The following SFSWAP variants were observed in gnomAD, a reference collection of about 807,000 sequenced individuals.
SFSWAP encodes splicing factor, suppressor of white-apricot homolog.
A neutral mutation model predicts 100.7 loss-of-function variants in SFSWAP; 17 were observed. The ratio of observed to expected loss-of-function variants is 0.17; its 90% CI spans 0.12 to 0.25. The LOEUF (loss-of-function observed/expected upper bound fraction) is 0.25. Ranked by LOEUF, SFSWAP falls within the 10% of genes least tolerant of loss-of-function variation. SFSWAP has a pLI of 1.00. For synonymous variants in SFSWAP, 504 were observed against 510.1 expected, an observed-to-expected ratio of 0.99 and a Z score of 0.16; for missense variants, 1,005 against 1,262.6, an observed-to-expected ratio of 0.80 and a Z score of 3.09.
At chr12:131,749,515 A>T (rs1881426546) in intron 7 of SFSWAP, among the ~76,000 whole-genome samples, 1 of 152,242 alleles carries the variant, frequency 6.6e-6, no homozygotes, top group Non-Finnish European at 1.5e-5. Context: ...TGTACAACAT[A>T]CAAGGGGCTG....
intron 14 of SFSWAP, among the ~76,000 whole-genome samples, chr12:131,779,953 A>T (rs557551889): frequency 7.0e-4 from 106 of 152,076 alleles, no homozygotes; most frequent in Non-Finnish European, 1.1e-3. Flanking sequence ...CGCCCAGCTA[A>T]TTTTGTTTTT....
Position 131,711,517 on chromosome 12 carries a change from G to A in SFSWAP, c.218+70G>A. ...GCTTGATCTCGTCTGATGTTGACTT[G>A]ACTGCAAGGACTGCAGAGAGTTTTC... is the stretch of plus-strand genomic sequence containing the variant. On this transcript the variant is annotated intron_variant, in intron 1 of 17. Coordinates refer to ENST00000261674, the MANE Select transcript of SFSWAP (RefSeq NM_004592.4). The surrounding 1 kb of genome is among the most constrained non-coding windows in gnomAD (Gnocchi z 4.9). 7.9e-7 allele frequency: 1 copy of A among 1,273,168 alleles called. No individual in the cohort carries two copies. The highest frequency in any genetic ancestry group is 1.1e-6 in the Non-Finnish European group (1 of 890,618). 78.9% of individuals were successfully genotyped at this position (1,273,168 alleles called of 1,614,324 possible).
intron 6 of SFSWAP, among the ~76,000 whole-genome samples, chr12:131,727,820 T>C (rs950810639): frequency 6.6e-6 from 1 of 152,226 alleles, no homozygotes; most frequent in Non-Finnish European, 1.5e-5. Flanking sequence ...TTGTGGTTAA[T>C]TCACACCACT....
chr12:131,735,544 C>T (rs945650472), intron 7 of SFSWAP, among the ~76,000 whole-genome samples: 5 of 152,164 alleles, frequency 3.3e-5, no homozygotes, highest in Admixed American at 6.5e-5. Context: ...TCGAAGGTCT[C>T]GAGCCTCATA....
chr12:131,777,190 G>A (rs1003748303), intron 13 of SFSWAP, among the ~76,000 whole-genome samples: 3 of 152,042 alleles, frequency 2.0e-5, no homozygotes, highest in South Asian at 2.1e-4. Flanking sequence ...TGTGCACAAC[G>A]TGCAGGTTAG....
intron 7 of SFSWAP, among the ~76,000 whole-genome samples, chr12:131,751,700 G>A (rs1268153208): frequency 6.6e-6 from 1 of 152,204 alleles, no homozygotes. Context: ...AGGTCAGTTC[G>A]TTGGTCCAGC....
intron 7 of SFSWAP, among the ~76,000 whole-genome samples, chr12:131,741,312 G>A (rs1212312860): frequency 1.3e-5 from 2 of 151,930 alleles, no homozygotes; most frequent in South Asian, 2.1e-4. Context: ...ATATTATTTT[G>A]TTTGTTTGTA....
chr12:131,777,827 TG>T (rs1884149652), intron 13 of SFSWAP, among the ~76,000 whole-genome samples: 2 of 152,238 alleles, frequency 1.3e-5, no homozygotes, highest in African/African-American at 2.4e-5. Context: ...GTCCACAGCC[TG>T]GGGGCTGGGA....
chr12:131,727,601 CA>C (rs1879104908), intron 6 of SFSWAP, among the ~76,000 whole-genome samples: 1 of 152,130 alleles, frequency 6.6e-6, no homozygotes, highest in African/African-American at 2.4e-5. Context: ...GCCAAGATCA[CA>C]CTACTGCACG....
chr12:131,728,583 C>T (rs1448008554), intron 7 of SFSWAP, among the ~76,000 whole-genome samples, 155 bp downstream of exon 7: 2 of 152,196 alleles, frequency 1.3e-5, no homozygotes, highest in African/African-American at 2.4e-5. Context: ...GAGAGTGCCA[C>T]GAGGCTGCCC....
chr12:131,729,979 C>A (rs1048987742), intron 7 of SFSWAP, among the ~76,000 whole-genome samples: 1 of 152,158 alleles, frequency 6.6e-6, no homozygotes, highest in African/African-American at 2.4e-5. Context: ...TGTGTCCCCC[C>A]AAAAACCTTT....
At chr12:131,788,946 G>A (rs1449320272) in intron 15 of SFSWAP, among the ~76,000 whole-genome samples, 1 of 151,936 alleles carries the variant, frequency 6.6e-6, no homozygotes, top group Non-Finnish European at 1.5e-5. Context: ...CCAGGGAAAT[G>A]CCCACTACCG....
chr12:131,763,479 T>C (rs1188348409), intron 11 of SFSWAP, among the ~76,000 whole-genome samples: 1 of 152,224 alleles, frequency 6.6e-6, no homozygotes, highest in Non-Finnish European at 1.5e-5. Flanking sequence ...GGACTCTGTG[T>C]TCATTGAGTG....
chr12:131,720,938 G>A (rs549732592), intron 4 of SFSWAP, among the ~76,000 whole-genome samples: 15 of 152,290 alleles, frequency 9.8e-5, no homozygotes, highest in African/African-American at 3.1e-4. Flanking sequence ...ATAAAGAAGA[G>A]GTTTAATTGG....
At chr12:131,780,718 C>A (rs1310736344) in intron 14 of SFSWAP, among the ~76,000 whole-genome samples, 1 of 152,140 alleles carries the variant, frequency 6.6e-6, no homozygotes, top group Admixed American at 6.5e-5. Context: ...ATGTTTCTTA[C>A]GACATTACAT....
Position 131,778,919 on chromosome 12 carries a change from TTGTG to T in SFSWAP, c.2408+592_2408+595del, listed in dbSNP as rs1205772049. On this transcript the variant is annotated intron_variant, in intron 14 of 17. Transcript: ENST00000261674. The surrounding 1 kb of genome is among the most constrained non-coding windows in gnomAD (Gnocchi z 4.2). ...GAAGCAAGCCTACCACATTTGCCGA[TTGTG>T]TGAAAGATTCACAGGGTGGTGTGCT... 1.3e-5 allele frequency among the ~76,000 whole-genome samples: 2 copies of T among 151,950 alleles called. No individual in the cohort carries two copies. The highest frequency in any genetic ancestry group is 2.9e-5 in the Non-Finnish European group (2 of 67,952).
rs772851444 is a variant in SFSWAP at position 131,797,292 on chromosome 12, G to A, written c.2649G>A (p.Ala883=). Residue 883 remains alanine (A), a synonymous_variant, in exon 16 of 18, where the codon GCG becomes GCA. Transcript: ENST00000261674. ...KQAAPRPAAP[A]AHSAHSASVS... is the part of the protein sequence containing the mutation. ...CAGCGCCCCGGCCCGCGGCCCCCGC[G>A]GCCCACTCGGCGCACTCAGCCAGCG... is the stretch of plus-strand genomic sequence containing the variant. 1.7e-5 allele frequency: 28 copies of A among 1,611,486 alleles called. No homozygotes were observed. Among genetic ancestry groups the A allele is most frequent in the South Asian group, 3.3e-5 (3 of 90,958 alleles).
rs1048403016 is a variant in SFSWAP at position 131,794,587 on chromosome 12, G to T, written c.2535-2591G>T. On this transcript the variant is annotated intron_variant, in intron 15 of 17. Transcript: ENST00000261674. The surrounding 1 kb of genome is among the most constrained non-coding windows in gnomAD (Gnocchi z 4.8). ...ACCAACAAACAAACACAGACATAGC[G>T]TGGGGTTTGTCTACATAGAGCTTTA... Among the ~76,000 whole-genome samples the T allele has an allele frequency of 6.6e-6, 1 of 152,150 alleles. No homozygotes were observed.
rs1183622352 is a variant in SFSWAP at position 131,799,688 on chromosome 12, G to T, written c.*200G>T. On this transcript the variant is annotated 3_prime_UTR_variant, in exon 18 of 18. Coordinates refer to ENST00000261674, the MANE Select transcript of SFSWAP (RefSeq NM_004592.4). ...ATATTTGTAAATATATCATGTTTCTGTGAAAATGTATTATGAAATAAAATG... is the reference window on the plus strand; with the variant it reads ...ATATTTGTAAATATATCATGTTTCTTTGAAAATGTATTATGAAATAAAATG... The T allele has an allele frequency of 1.7e-6, 1 of 572,210 alleles. No homozygotes were observed. Among genetic ancestry groups the T allele is most frequent in the Non-Finnish European group, 3.1e-6 (1 of 324,352 alleles). The allele number at this position is 572,210 out of a possible 1,614,324, so 35.4% of individuals were successfully genotyped here.
Sources: allele counts gnomAD v4.1 joint callset (sites outside exome capture counted in the v4.1 genomes callset), GRCh38; gene constraint gnomAD v4.1.1; non-coding constraint Gnocchi (gnomAD v3.1); transcripts MANE v1.5; gene names NCBI Gene and HGNC (gene_info 2026-07-23, HGNC 2026-07-21).